The following PARP4 variants were observed in gnomAD, a reference collection of about 807,000 sequenced individuals.
The protein encoded by PARP4 is protein mono-ADP-ribosyltransferase PARP4.
In PARP4, 120 loss-of-function variants were observed where a neutral mutation model predicts 187.7. The observed-to-expected ratio is 0.64, with a 90% CI of 0.55 to 0.74. The LOEUF (loss-of-function observed/expected upper bound fraction) is 0.74, where lower values mean the gene tolerates loss of function less well. Among genes scored for constraint, PARP4 ranks in the 30% least tolerant of loss-of-function variants. PARP4 has a pLI of 0.00. For synonymous variants in PARP4, 654 were observed against 740.9 expected, an observed-to-expected ratio of 0.88 and a Z score of 1.90; for missense variants, 1,836 against 2,070.5, an observed-to-expected ratio of 0.89 and a Z score of 2.20.
Position 24,492,570 on chromosome 13 carries a change from G to A in PARP4, c.904C>T (p.Leu302Phe), listed in dbSNP as rs372586347. The A allele has an allele frequency of 5.6e-6, 9 of 1,613,824 alleles. No homozygotes were observed. Among genetic ancestry groups the A allele is most frequent in the African/African-American group, 2.7e-5 (2 of 74,890 alleles). ...NDVSKAEGIL[L>F]LVKAALKNGE... ...TTTTTCAGTGCTGCCTTTACTAGAA[G>A]GAGAATCCCCTCTGCCTTGCTCACC... is the stretch of plus-strand genomic sequence containing the variant. The change falls in exon 9 of 34, where the codon CTT becomes TTT. Residue 302 changes from leucine (L) to phenylalanine (F), a missense_variant. By Grantham distance (22) the Leu-to-Phe change is conservative. Coordinates refer to ENST00000381989, the MANE Select transcript of PARP4 (RefSeq NM_006437.4).
In PARP4 at chr13:24,469,052, C is replaced by A. The variant is rs1235425457; in HGVS notation, c.2105G>T (p.Gly702Val). ...AGCATCCTGACTCATCAGGTAAGCGCCATGGCCCTGGGTCACGGCTTCTAG... is the reference window on the plus strand; with the variant it reads ...AGCATCCTGACTCATCAGGTAAGCGACATGGCCCTGGGTCACGGCTTCTAG... ...EYLEAVTQGH[G>V]AYLMSQDAPD... The change falls in exon 17 of 34, where the codon GGC (glycine) becomes GTC (valine). Residue 702 changes from glycine to valine, a missense_variant. By Grantham distance (109) the Gly-to-Val change is moderately radical. Transcript: ENST00000381989. 1.2e-6 allele frequency: 2 copies of A among 1,613,758 alleles called. No individual in the cohort carries two copies. The highest frequency in any genetic ancestry group is 3.3e-5 in the Admixed American group (2 of 59,998).
chr13:24,511,230 G>C (rs184181248), intron 1 of PARP4, among the ~76,000 whole-genome samples: 1 of 152,246 alleles, frequency 6.6e-6, no homozygotes, highest in African/African-American at 2.4e-5. Flanking sequence ...TTCATCTCTA[G>C]TCTCTGTAAA....
At chr13:24,444,277 G>A (rs1871096981) in intron 27 of PARP4, among the ~76,000 whole-genome samples, 1 of 152,278 alleles carries the variant, frequency 6.6e-6, no homozygotes, top group Admixed American at 6.5e-5. Context: ...GTGACTTTAT[G>A]GAAAACGACC....
chr13:24,424,673 C>CTTTTTTT (rs1241681310), intron 33 of PARP4, among the ~76,000 whole-genome samples: 1 of 129,090 alleles, frequency 7.7e-6, no homozygotes, highest in Non-Finnish European at 1.6e-5. Context: ...AAATTATGTA[C>CTTTTTTT]TTTTTTTTTT....
At chr13:24,423,533 A>AAAATAAATAAATAAAT (rs1555231472) in intron 33 of PARP4, among the ~76,000 whole-genome samples, 70 of 150,836 alleles carry the variant, frequency 4.6e-4, no homozygotes, top group African/African-American at 1.6e-3. Context: ...CTGGCCTCAA[A>AAAATAAATAAATAAAT]AAATAAATAA....
Position 24,423,533 on chromosome 13 carries a change from A to ATAAATAAAT in PARP4, c.4980-2220_4980-2219insATTTATTTA, listed in dbSNP as rs1555231473. Among the ~76,000 whole-genome samples, 6 of 150,846 alleles carry ATAAATAAAT rather than the reference A, an allele frequency of 4.0e-5. No homozygotes were observed. In the East Asian group the frequency reaches 9.8e-4, roughly 25 times the overall value. On this transcript the variant is annotated intron_variant, in intron 33 of 33. Coordinates refer to ENST00000381989, the MANE Select transcript of PARP4 (RefSeq NM_006437.4). Reference sequence around the variant, plus strand: ...GTGACAGAACGAGATCTGGCCTCAAAAAATAAATAAATAAATAAAAACAAA... The same window carrying ATAAATAAAT: ...GTGACAGAACGAGATCTGGCCTCAAATAAATAAATAAATAAATAAATAAATAAAAACAAA...
intron 31 of PARP4, among the ~76,000 whole-genome samples, chr13:24,432,173 T>A (rs1870374433): frequency 6.6e-6 from 1 of 150,474 alleles, no homozygotes; most frequent in African/African-American, 2.4e-5. Context: ...GTGTTTAGGA[T>A]CTCCATCAGC....
intron 27 of PARP4, among the ~76,000 whole-genome samples, chr13:24,445,132 CTTT>C (rs1207463154): frequency 1.3e-5 from 2 of 151,388 alleles, no homozygotes; most frequent in African/African-American, 2.5e-5. Flanking sequence ...TCTGGCCCTT[CTTT>C]GAGTCTCACG....
At chr13:24,473,721 A>G (rs1872835687) in intron 15 of PARP4, among the ~76,000 whole-genome samples, 1 of 152,056 alleles carries the variant, frequency 6.6e-6, no homozygotes, top group African/African-American at 2.4e-5. Context: ...CACTCTGATC[A>G]GCCTTTCACC....
chr13:24,507,088 C>T (rs1386863053), intron 1 of PARP4, among the ~76,000 whole-genome samples: 2 of 152,304 alleles, frequency 1.3e-5, no homozygotes, highest in East Asian at 1.9e-4. Flanking sequence ...GCGGGGCCAG[C>T]GGGCTGCTCA....
chr13:24,470,453 T>G (rs1290063508), intron 15 of PARP4, among the ~76,000 whole-genome samples: 3 of 152,104 alleles, frequency 2.0e-5, no homozygotes, highest in Admixed American at 6.5e-5. Context: ...TCTCTGTGGC[T>G]TTCCCCCTCT....
chr13:24,501,487 G>A (rs1869277678), intron 3 of PARP4, 146 bp downstream of exon 3: 1 of 616,588 alleles, frequency 1.6e-6, no homozygotes, highest in Non-Finnish European at 2.9e-6. Flanking sequence ...TTTGTCCTTT[G>A]TTATTTTTCT....
chr13:24,483,124 G>A (rs144334937), intron 12 of PARP4, among the ~76,000 whole-genome samples: 1,637 of 152,086 alleles, frequency 0.011, 38 homozygotes, highest in African/African-American at 0.036. Flanking sequence ...GGCTCAAGCA[G>A]TCCTCCTGCC....
chr13:24,423,566 A>C (rs1263908819), intron 33 of PARP4, among the ~76,000 whole-genome samples: 4 of 152,142 alleles, frequency 2.6e-5, no homozygotes, highest in Admixed American at 1.3e-4. Context: ...AAAACAAAAA[A>C]AAAGAAAACT....
At chr13:24,489,962 G>A (rs1331707084) in intron 10 of PARP4, among the ~76,000 whole-genome samples, 4 of 152,216 alleles carry the variant, frequency 2.6e-5, no homozygotes, top group Middle Eastern at 3.4e-3. Context: ...TGGTGTGTGC[G>A]GCTACAACTC....
At chr13:24,470,052 TTGA>T in intron 15 of PARP4, 27 bp from the exon 16 acceptor site, 1 of 1,558,414 alleles carries the variant, frequency 6.4e-7, no homozygotes, top group East Asian at 2.3e-5. Flanking sequence ...ATCCATACAA[TTGA>T]TGAGACCACA....
At chr13:24,455,334 A>G in intron 21 of PARP4, 122 bp from the exon 22 acceptor site, 1 of 572,948 alleles carries the variant, frequency 1.7e-6, no homozygotes, top group Non-Finnish European at 2.8e-6. Context: ...AGAAAGAATA[A>G]GATGTAATTA....
intron 17 of PARP4, among the ~76,000 whole-genome samples, chr13:24,467,358 G>C (rs183953632): frequency 6.6e-6 from 1 of 152,284 alleles, no homozygotes; most frequent in Non-Finnish European, 1.5e-5. Flanking sequence ...AATATGTCCA[G>C]GTTGCCATGG....
chr13:24,476,727 T>C (rs1409194784), intron 14 of PARP4, among the ~76,000 whole-genome samples: 1 of 152,204 alleles, frequency 6.6e-6, no homozygotes, highest in Non-Finnish European at 1.5e-5. Context: ...AAAATGTTAA[T>C]GTGTTCTTAC....
Sources: gnomAD v4.1 joint callset for allele counts (sites outside exome capture counted in the v4.1 genomes callset) on GRCh38, gnomAD v4.1.1 for gene constraint, MANE v1.5 for transcripts, NCBI Gene and HGNC (gene_info 2026-07-23, HGNC 2026-07-21) for gene names.